Variants in RUNX1 observed in about 807,000 individuals in gnomAD.
RUNX1 encodes the protein runt-related transcription factor 1.
RUNX1 carries 19 observed loss-of-function variants against 42.8 expected under a neutral mutation model. The ratio of observed to expected loss-of-function variants is 0.44; its 90% CI spans 0.31 to 0.65. The LOEUF is 0.65. Ranked by LOEUF, RUNX1 falls within the 30% of genes least tolerant of loss-of-function variation. The pLI is 0.07. For missense variants in RUNX1, 528 were observed against 672.0 expected (o/e 0.79, Z 2.37); for synonymous variants, 271 against 289.4 (o/e 0.94, Z 0.64).
At chr21:34,861,607 C>G (rs1181330215) in intron 5 of RUNX1, among the ~76,000 whole-genome samples, 1 of 152,136 alleles carries the variant, frequency 6.6e-6, no homozygotes, top group African/African-American at 2.4e-5. Flanking sequence ...TCACTCACCC[C>G]CTCTCCTCCG....
intron 4 of RUNX1, among the ~76,000 whole-genome samples, chr21:34,885,752 T>A (rs73373710): frequency 0.026 from 3,939 of 151,874 alleles, 167 homozygotes; most frequent in African/African-American, 0.091. Context: ...TTATTTAAAC[T>A]TTTTTTTTAG....
At chr21:34,964,499 A>G (rs1055773229) in intron 2 of RUNX1, among the ~76,000 whole-genome samples, 8 of 152,092 alleles carry the variant, frequency 5.3e-5, no homozygotes, top group East Asian at 3.9e-4. Flanking sequence ...AAAAAAAAAA[A>G]AAAAGAAAAG....
intron 2 of RUNX1, among the ~76,000 whole-genome samples, chr21:34,967,655 G>A (rs563148488): frequency 7.9e-5 from 12 of 152,266 alleles, no homozygotes; most frequent in Admixed American, 2.0e-4. Flanking sequence ...ATAAAATGAC[G>A]AGGCCTGAGG....
At chr21:34,986,033 G>A (rs1454291381) in intron 2 of RUNX1, among the ~76,000 whole-genome samples, 1 of 151,724 alleles carries the variant, frequency 6.6e-6, no homozygotes, top group Non-Finnish European at 1.5e-5. Context: ...CCACTACACT[G>A]GGCTAATTTT....
chr21:34,880,905 T>C (rs566015835), intron 4 of RUNX1, among the ~76,000 whole-genome samples, 192 bp from the exon 5 acceptor site: 1 of 152,248 alleles, frequency 6.6e-6, no homozygotes, highest in African/African-American at 2.4e-5. Context: ...TTTATTATAT[T>C]TTAGGTTGGT....
At chr21:34,924,521 T>C (rs535748042) in intron 2 of RUNX1, among the ~76,000 whole-genome samples, 20 of 152,124 alleles carry the variant, frequency 1.3e-4, no homozygotes, top group Non-Finnish European at 2.9e-4. Flanking sequence ...GACATTCGAG[T>C]TGGAATAAGC....
chr21:34,963,892 G>A (rs2058699141), intron 2 of RUNX1, among the ~76,000 whole-genome samples: 1 of 152,188 alleles, frequency 6.6e-6, no homozygotes, highest in Non-Finnish European at 1.5e-5. Context: ...CCTGGCACAA[G>A]CAAGCAGCAC....
intron 7 of RUNX1, chr21:34,821,834 G>T: frequency 1.4e-6 from 1 of 708,886 alleles, no homozygotes; most frequent in Non-Finnish European, 2.2e-6. Context: ...TCTGGAATAG[G>T]AATAACAAGA....
At chr21:35,048,433 C>G (rs1007290257) in intron 2 of RUNX1, among the ~76,000 whole-genome samples, 1 of 152,242 alleles carries the variant, frequency 6.6e-6, no homozygotes, top group Non-Finnish European at 1.5e-5. Flanking sequence ...CCAGGGCAGG[C>G]TGCATTCTGG....
At chr21:35,013,311 T>C (rs1295242499) in intron 2 of RUNX1, among the ~76,000 whole-genome samples, 1 of 152,220 alleles carries the variant, frequency 6.6e-6, no homozygotes, top group Non-Finnish European at 1.5e-5. Flanking sequence ...CCCTTGCATA[T>C]TATAAAATCT....
At chr21:34,802,826 C>G (rs1229550199) in intron 7 of RUNX1, among the ~76,000 whole-genome samples, 1 of 152,332 alleles carries the variant, frequency 6.6e-6, no homozygotes, top group African/African-American at 2.4e-5. Flanking sequence ...CATAAACCAA[C>G]TGGATGACCT....
At chr21:34,828,481 G>A (rs2057019923) in intron 7 of RUNX1, among the ~76,000 whole-genome samples, 1 of 152,172 alleles carries the variant, frequency 6.6e-6, no homozygotes, top group Non-Finnish European at 1.5e-5. Flanking sequence ...TTGAGTTAAT[G>A]CTGGAAAGAG....
At chr21:34,890,157 G>T (rs1185325128) in intron 3 of RUNX1, among the ~76,000 whole-genome samples, 1 of 151,756 alleles carries the variant, frequency 6.6e-6, no homozygotes, top group East Asian at 1.9e-4. Context: ...TCCCGGGCGG[G>T]CCCGGACTGC....
intron 2 of RUNX1, among the ~76,000 whole-genome samples, chr21:34,913,419 T>G (rs1466976477): frequency 6.6e-6 from 1 of 152,188 alleles, no homozygotes; most frequent in Non-Finnish European, 1.5e-5. Context: ...GTGGATCTCC[T>G]GCAGAGATGG....
intron 2 of RUNX1, among the ~76,000 whole-genome samples, chr21:34,989,792 G>C (rs1175123490): frequency 6.6e-6 from 1 of 152,154 alleles, no homozygotes; most frequent in African/African-American, 2.4e-5. Context: ...TGGCACGAAG[G>C]GTAAACCACA....
At chr21:34,997,396 G>A (rs1279239400) in intron 2 of RUNX1, among the ~76,000 whole-genome samples, 1 of 152,198 alleles carries the variant, frequency 6.6e-6, no homozygotes, top group African/African-American at 2.4e-5. Flanking sequence ...GCCTATGAGT[G>A]TGTCTCTTCC....
At chr21:34,806,897 G>A (rs2056687789) in intron 7 of RUNX1, among the ~76,000 whole-genome samples, 1 of 151,980 alleles carries the variant, frequency 6.6e-6, no homozygotes, top group East Asian at 1.9e-4. Context: ...AGTCTCAAGA[G>A]AAATTAAAAA....
intron 2 of RUNX1, among the ~76,000 whole-genome samples, chr21:34,906,321 G>A (rs1327479726): frequency 1.3e-5 from 2 of 152,182 alleles, no homozygotes; most frequent in Admixed American, 6.5e-5. Context: ...TTGCTAGTCC[G>A]TGAGGACAGA....
chr21:34,792,059 G>A lies in RUNX1; in HGVS notation c.*76C>T. The A allele has an allele frequency of 1.0e-6, 1 of 977,940 alleles. No individual in the cohort carries two copies. The highest frequency in any genetic ancestry group is 1.9e-5 in the South Asian group (1 of 51,394). The allele number at this position is 977,940 out of a possible 1,614,324, so 60.6% of individuals were successfully genotyped here. A position where few individuals can be genotyped will look rare whatever the true frequency, so the allele number is the denominator to read the frequency against. ...CAGGGCCCGGGATCCCGGCGGGCTT[G>A]TCGCGAACAGGAGGCCCGCGCGCCC... On this transcript the variant is annotated 3_prime_UTR_variant, in exon 9 of 9. Coordinates refer to ENST00000675419, the MANE Select transcript of RUNX1 (RefSeq NM_001754.5). The surrounding 1 kb of genome is among the most constrained non-coding windows in gnomAD (Gnocchi z 6.9).
Sources: gnomAD v4.1 joint callset for allele counts (sites outside exome capture counted in the v4.1 genomes callset) on GRCh38, gnomAD v4.1.1 for gene constraint, Gnocchi (gnomAD v3.1) non-coding constraint, MANE v1.5 for transcripts, NCBI Gene and HGNC (gene_info 2026-07-23, HGNC 2026-07-21) for gene names.